Variants in NCOA2 observed in about 807,000 individuals in gnomAD.
NCOA2 encodes nuclear receptor coactivator 2.
Under a neutral mutation model 145.1 loss-of-function variants are expected in NCOA2, and 21 were observed. The ratio of observed to expected loss-of-function variants is 0.14; its 90% CI spans 0.10 to 0.21. The LOEUF is 0.21. Ranked by LOEUF, NCOA2 falls within the 10% of genes least tolerant of loss-of-function variation. The pLI is 1.00. For missense variants in NCOA2, 1,472 were observed against 1,837.6 expected (o/e 0.80, Z 3.64); for synonymous variants, 619 against 637.5 (o/e 0.97, Z 0.44).
the NCOA2 span, among the ~76,000 whole-genome samples, chr8:70,429,288 G>A: frequency 6.6e-6 from 1 of 152,192 alleles, no homozygotes; most frequent in African/African-American, 2.4e-5. Context: ...CTAAATGAAG[G>A]CAATTTCTCT....
At chr8:70,380,549 G>A (rs912510422) in intron 1 of NCOA2, among the ~76,000 whole-genome samples, 1 of 152,124 alleles carries the variant, frequency 6.6e-6, no homozygotes, top group African/African-American at 2.4e-5. Flanking sequence ...AGGCAAAAAA[G>A]ATTTCTGCTG....
intron 4 of NCOA2, among the ~76,000 whole-genome samples, chr8:70,187,219 T>C (rs538993073): frequency 3.9e-5 from 6 of 152,306 alleles, no homozygotes; most frequent in African/African-American, 1.4e-4. Flanking sequence ...GGTTACAATT[T>C]GCATGCTGAG....
chr8:70,245,042 G>C (rs915901104), intron 2 of NCOA2: 16 of 151,992 alleles, frequency 1.1e-4, no homozygotes, highest in Non-Finnish European at 1.5e-4. Flanking sequence ...GTTCATATTA[G>C]AGCTCAGCAG....
chr8:70,278,722 T>C (rs1825651140), intron 2 of NCOA2, among the ~76,000 whole-genome samples: 1 of 152,108 alleles, frequency 6.6e-6, no homozygotes, highest in Non-Finnish European at 1.5e-5. Flanking sequence ...ATCCCAGCAT[T>C]TTGGGAGGCT....
intron 2 of NCOA2, among the ~76,000 whole-genome samples, chr8:70,283,585 T>TAA (rs1826036253): frequency 6.6e-6 from 1 of 152,244 alleles, no homozygotes; most frequent in South Asian, 2.1e-4. Flanking sequence ...CCTTAACTTT[T>TAA]ATTTGCTATA....
intron 1 of NCOA2, among the ~76,000 whole-genome samples, chr8:70,383,642 A>T (rs902244655): frequency 4.6e-5 from 7 of 152,004 alleles, no homozygotes; most frequent in African/African-American, 1.7e-4. Flanking sequence ...AGTAGCTGGG[A>T]TTACAGGCAT....
At chr8:70,296,337 A>G (rs941454806) in intron 2 of NCOA2, among the ~76,000 whole-genome samples, 1 of 152,236 alleles carries the variant, frequency 6.6e-6, no homozygotes, top group Non-Finnish European at 1.5e-5. Context: ...ATTTGCTGCT[A>G]AAATCTGTAG....
intron 2 of NCOA2, among the ~76,000 whole-genome samples, chr8:70,268,160 A>C (rs1267433068): frequency 1.3e-5 from 2 of 152,130 alleles, no homozygotes; most frequent in Non-Finnish European, 2.9e-5. Context: ...CTTCATTTGG[A>C]GCTCATTTTT....
At chr8:70,134,997 T>TA (rs1809567698) in intron 15 of NCOA2, among the ~76,000 whole-genome samples, 1 of 152,070 alleles carries the variant, frequency 6.6e-6, no homozygotes, top group African/African-American at 2.4e-5. Flanking sequence ...TCAGAATTCT[T>TA]ATGTGGTTCT....
At chr8:70,309,481 C>A (rs1375584569) in intron 1 of NCOA2, among the ~76,000 whole-genome samples, 1 of 151,056 alleles carries the variant, frequency 6.6e-6, no homozygotes, top group African/African-American at 2.4e-5. Flanking sequence ...ATTCATTTAC[C>A]CAACAAAGAT....
intron 9 of NCOA2, among the ~76,000 whole-genome samples, chr8:70,160,682 G>GAGAGAGAGAGAGAGGGAGA (rs371258460): frequency 1.2e-4 from 7 of 58,302 alleles, no homozygotes; most frequent in Admixed American, 6.8e-4. Context: ...AGAGAGAGAG[G>GAGAGAGAGAGAGAGGGAGA]GAGAGAGAGA....
At chr8:70,346,641 G>A (rs767937689) in intron 1 of NCOA2, among the ~76,000 whole-genome samples, 1 of 152,094 alleles carries the variant, frequency 6.6e-6, no homozygotes, top group Non-Finnish European at 1.5e-5. Flanking sequence ...TACATTATTC[G>A]CCAATGCATT....
chr8:70,414,108 A>AAG, the NCOA2 span, among the ~76,000 whole-genome samples: 1 of 152,192 alleles, frequency 6.6e-6, no homozygotes, highest in East Asian at 1.9e-4. Context: ...TTTTCTTATA[A>AAG]AACAACAAAA....
intron 4 of NCOA2, among the ~76,000 whole-genome samples, chr8:70,183,822 T>C (rs1309060332): frequency 6.6e-6 from 1 of 152,204 alleles, no homozygotes; most frequent in African/African-American, 2.4e-5. Context: ...TTTCACTACA[T>C]TGCTGGCTCC....
At chr8:70,219,981 C>A (rs372546728) in intron 2 of NCOA2, among the ~76,000 whole-genome samples, 1 of 152,104 alleles carries the variant, frequency 6.6e-6, no homozygotes, top group African/African-American at 2.4e-5. Flanking sequence ...GTTATAAAAA[C>A]GACTTTCTTC....
the NCOA2 span, among the ~76,000 whole-genome samples, chr8:70,411,220 G>A: frequency 1.3e-4 from 19 of 151,900 alleles, no homozygotes; most frequent in African/African-American, 4.4e-4. Flanking sequence ...AAAGAGAATT[G>A]CAAATAGTAT....
intron 21 of NCOA2, among the ~76,000 whole-genome samples, chr8:70,123,252 C>T (rs1808029583): frequency 6.6e-6 from 1 of 152,166 alleles, no homozygotes; most frequent in Admixed American, 6.5e-5. Context: ...TTATCTGTGT[C>T]GGTCTCTTTG....
chr8:70,367,591 CCAAA>C (rs992715406), intron 1 of NCOA2, among the ~76,000 whole-genome samples: 9 of 152,110 alleles, frequency 5.9e-5, no homozygotes, highest in Non-Finnish European at 1.2e-4. Flanking sequence ...GTTCACAGGT[CCAAA>C]CAGTTTCAAT....
In NCOA2 at chr8:70,156,302, T is replaced by C. The variant is rs769379605; in HGVS notation, c.2063A>G (p.Lys688Arg). ...THGTSLKEKH[K>R]ILHRLLQDSS... is the part of the protein sequence containing the mutation. ...GTCCTGCAAGAGTCTGTGCAAAATT[T>C]TATGCTTCTCCTTGAGCGAGGTTCC... Residue 688 changes from lysine to arginine, a missense_variant, in exon 11 of 23, where the codon AAA becomes AGA. By Grantham distance (26) the Lys-to-Arg change is conservative. Transcript: ENST00000452400. The C allele has an allele frequency of 1.2e-6, 2 of 1,613,902 alleles. No individual in the cohort carries two copies. Among genetic ancestry groups the C allele is most frequent in the East Asian group, 4.5e-5 (2 of 44,876 alleles).
Sources: gnomAD v4.1 joint callset for allele counts (sites outside exome capture counted in the v4.1 genomes callset) on GRCh38, gnomAD v4.1.1 for gene constraint, MANE v1.5 for transcripts, NCBI Gene and HGNC (gene_info 2026-07-23, HGNC 2026-07-21) for gene names.